The following MLLT10 variants were observed in gnomAD, a reference collection of about 807,000 sequenced individuals.
MLLT10 encodes the protein MLLT10 histone lysine methyltransferase DOT1L cofactor.
MLLT10 carries 30 observed loss-of-function variants against 129.1 expected under a neutral mutation model. That is an observed-to-expected ratio of 0.23 (90% CI 0.17 to 0.32). The LOEUF (loss-of-function observed/expected upper bound fraction) is 0.32. MLLT10 is among the 10% of genes least tolerant of loss of function. The pLI is 1.00. For missense variants in MLLT10, 1,119 were observed against 1,268.3 expected (o/e 0.88, Z 1.79); for synonymous variants, 490 against 446.4 (o/e 1.10, Z -1.23).
chr10:21,685,031 CT>C (rs1271281607), intron 13 of MLLT10, among the ~76,000 whole-genome samples: 1 of 151,946 alleles, frequency 6.6e-6, no homozygotes, highest in Non-Finnish European at 1.5e-5. Context: ...CCCTTTCTCT[CT>C]TTTTTAATAC....
chr10:21,675,383 T>C (rs1246466845), intron 11 of MLLT10, among the ~76,000 whole-genome samples: 4 of 152,238 alleles, frequency 2.6e-5, no homozygotes, highest in African/African-American at 7.2e-5. Context: ...ATCATCACAC[T>C]CTCCCTTCCT....
chr10:21,608,195 G>T (rs2044253196), intron 5 of MLLT10, among the ~76,000 whole-genome samples: 1 of 151,022 alleles, frequency 6.6e-6, no homozygotes, highest in Non-Finnish European at 1.5e-5. Flanking sequence ...TTGAGACAGG[G>T]TCTTGCTCAG....
At chr10:21,589,216 T>G (rs2042274845) in intron 4 of MLLT10, among the ~76,000 whole-genome samples, 1 of 152,124 alleles carries the variant, frequency 6.6e-6, no homozygotes, top group East Asian at 1.9e-4. Context: ...TTAAAAAAAT[T>G]TTTTTTTACC....
At chr10:21,734,869 TA>T (rs1403221195) in intron 20 of MLLT10, among the ~76,000 whole-genome samples, 1 of 152,248 alleles carries the variant, frequency 6.6e-6, no homozygotes, top group Non-Finnish European at 1.5e-5. Flanking sequence ...GAAACACATG[TA>T]AATTTCTATT....
intron 3 of MLLT10, among the ~76,000 whole-genome samples, chr10:21,540,304 C>A (rs1190500060): frequency 6.6e-6 from 1 of 151,588 alleles, no homozygotes; most frequent in Non-Finnish European, 1.5e-5. Context: ...ACGGGAGAAT[C>A]GCTTGAATGA....
At chr10:21,618,497 T>C (rs1337112038) in intron 8 of MLLT10, among the ~76,000 whole-genome samples, 1 of 152,036 alleles carries the variant, frequency 6.6e-6, no homozygotes, top group East Asian at 1.9e-4. Flanking sequence ...GGAGCGATAC[T>C]CTTGTCTCAA....
At position 21,742,081 on chromosome 10, in the gene MLLT10, A is replaced by C. The variant is rs1589955252; in HGVS notation, c.*98A>C. The stretch of plus-strand genomic sequence containing the variant: ...TACTACAGCTATGAAGAAACGCAAC[A>C]AGAAACTCAATGCACAACAAAGGAT... On this transcript the variant is annotated 3_prime_UTR_variant, in exon 23 of 23. Transcript: ENST00000307729. 1.9e-6 allele frequency: 2 copies of C among 1,057,282 alleles called. No homozygotes were observed. Among genetic ancestry groups the C allele is most frequent in the East Asian group, 4.9e-5 (2 of 41,160 alleles). 65.5% of individuals were successfully genotyped at this position (1,057,282 alleles called of 1,614,324 possible).
At chr10:21,627,592 C>T (rs1241159942) in intron 8 of MLLT10, among the ~76,000 whole-genome samples, 1 of 152,146 alleles carries the variant, frequency 6.6e-6, no homozygotes, top group Non-Finnish European at 1.5e-5. Flanking sequence ...TTCAGGTTAT[C>T]TGAGGTATTG....
chr10:21,575,244 T>A (rs535360441), intron 3 of MLLT10, among the ~76,000 whole-genome samples: 134 of 152,280 alleles, frequency 8.8e-4, no homozygotes, highest in African/African-American at 2.9e-3. Context: ...CAGGCTAGAG[T>A]GCAGTGGTGC....
intron 18 of MLLT10, 63 bp downstream of exon 18, chr10:21,733,150 T>TA (rs2058088767): frequency 1.2e-5 from 17 of 1,454,584 alleles, no homozygotes; most frequent in Non-Finnish European, 1.6e-5. Flanking sequence ...ATTTGTATTA[T>TA]AAGTGAGTAA....
At chr10:21,649,967 T>C (rs2048863945) in intron 8 of MLLT10, among the ~76,000 whole-genome samples, 1 of 152,160 alleles carries the variant, frequency 6.6e-6, no homozygotes, top group African/African-American at 2.4e-5. Flanking sequence ...AACTTTAGGA[T>C]AAAAATGTTT....
chr10:21,597,867 T>G (rs1336566132), intron 5 of MLLT10, among the ~76,000 whole-genome samples: 1 of 152,260 alleles, frequency 6.6e-6, no homozygotes, highest in Non-Finnish European at 1.5e-5. Flanking sequence ...TTCTTTTTTT[T>G]GCATCCTATC....
At chr10:21,557,948 C>CTTTTTTTTTTTTTTTTTTTTTTTTTTT (rs945740582) in intron 3 of MLLT10, 7 of 104,458 alleles carry the variant, frequency 6.7e-5, no homozygotes, top group South Asian at 3.0e-4. Context: ...TTTTTTTTTT[C>CTTTTTTTTTTTTTTTTTTTTTTTTTTT]TTTTTTTTTT....
At chr10:21,549,659 CTTTTTTTTTT>C (rs11374255) in intron 3 of MLLT10, among the ~76,000 whole-genome samples, 1 of 121,982 alleles carries the variant, frequency 8.2e-6, no homozygotes, top group Non-Finnish European at 1.7e-5. Context: ...GAGTTGTACT[CTTTTTTTTTT>C]TTTTTTTTTT....
At position 21,742,133 on chromosome 10, in the gene MLLT10, G is replaced by T. The variant is rs1373907488; in HGVS notation, c.*150G>T. Reference sequence around the variant, plus strand: ...AATTGCTGCAAGGACATTCTTGTAAGGCTTTGATTAGTTTTCTTGTTGCTT... The same window carrying T: ...AATTGCTGCAAGGACATTCTTGTAATGCTTTGATTAGTTTTCTTGTTGCTT... On this transcript the variant is annotated 3_prime_UTR_variant, in exon 23 of 23. Transcript: ENST00000307729. The T allele has an allele frequency of 3.0e-6, 2 of 665,758 alleles. No homozygotes were observed. The highest frequency in any genetic ancestry group is 1.8e-5 in the African/African-American group (1 of 54,516). 41.2% of individuals were successfully genotyped at this position (665,758 alleles called of 1,614,324 possible).
At chr10:21,573,880 TGTTGG>T (rs2131044951) in intron 3 of MLLT10, among the ~76,000 whole-genome samples, 1 of 152,320 alleles carries the variant, frequency 6.6e-6, no homozygotes, top group East Asian at 1.9e-4. Flanking sequence ...TCTTATATAT[TGTTGG>T]ACTTAAATTG....
rs1564419221 is a variant in MLLT10 at position 21,564,196 on chromosome 10, G to A, written c.241-22098G>A. On this transcript the variant is annotated intron_variant, in intron 3 of 22. Transcript: ENST00000307729. ...AGTGTCATGATCATGGCTTATTGCCGCCTTAACCCTCCGCGTAGCTGGGAC... is the reference window on the plus strand; with the variant it reads ...AGTGTCATGATCATGGCTTATTGCCACCTTAACCCTCCGCGTAGCTGGGAC... 3.9e-5 allele frequency among the ~76,000 whole-genome samples: 6 copies of A among 152,098 alleles called. No individual in the cohort carries two copies. In the South Asian group the frequency reaches 8.3e-4, roughly 21 times the overall value.
chr10:21,656,402 A>G (rs2049593319), intron 9 of MLLT10, among the ~76,000 whole-genome samples: 1 of 152,018 alleles, frequency 6.6e-6, no homozygotes, highest in Non-Finnish European at 1.5e-5. Context: ...ATGGTTGATG[A>G]TGGTAGAGCA....
chr10:21,538,432 G>T (rs2034486168), intron 2 of MLLT10, among the ~76,000 whole-genome samples: 1 of 151,960 alleles, frequency 6.6e-6, no homozygotes, highest in Non-Finnish European at 1.5e-5. Flanking sequence ...CAAAGTGCTG[G>T]GATTATAGGT....
Sources: gnomAD v4.1 joint callset for allele counts (sites outside exome capture counted in the v4.1 genomes callset) on GRCh38, gnomAD v4.1.1 for gene constraint, MANE v1.5 for transcripts, NCBI Gene and HGNC (gene_info 2026-07-23, HGNC 2026-07-21) for gene names.